Variants in BCL2L1 observed in about 807,000 individuals in gnomAD.
The protein encoded by BCL2L1 is BCL2 like 1.
BCL2L1 carries 1 observed loss-of-function variant against 18.7 expected under a neutral mutation model. That is an observed-to-expected ratio of 0.05 (90% confidence interval 0.02 to 0.25). The LOEUF is 0.25. BCL2L1 is among the 10% of genes least tolerant of loss of function. The pLI, the probability that BCL2L1 is intolerant of heterozygous loss-of-function variation, is 1.00. For synonymous variants in BCL2L1, 103 were observed against 122.7 expected (o/e 0.84, Z 1.06); for missense variants, 207 against 304.9 (o/e 0.68, Z 2.39).
chr20:31,721,056 C>T (rs762649865), intron 2 of BCL2L1: 20 of 809,470 alleles, frequency 2.5e-5, no homozygotes, highest in Non-Finnish European at 3.0e-5. Flanking sequence ...ATCTGCACAG[C>T]CTACACTGCC....
At chr20:31,688,583 C>T (rs2061002575) in intron 2 of BCL2L1, among the ~76,000 whole-genome samples, 1 of 152,202 alleles carries the variant, frequency 6.6e-6, no homozygotes, top group Admixed American at 6.5e-5. Flanking sequence ...CTGGTACCCA[C>T]TGCTGTGGGC....
chr20:31,690,656 C>T (rs1210137314), intron 2 of BCL2L1, among the ~76,000 whole-genome samples: 2 of 151,868 alleles, frequency 1.3e-5, no homozygotes, highest in Non-Finnish European at 2.9e-5. Flanking sequence ...CTGCAACCTC[C>T]GTCTCCTGGG....
chr20:31,710,906 G>A lies in BCL2L1; in HGVS notation c.564+10749C>T, dbSNP rs564198811. Among the ~76,000 whole-genome samples, 6 of 152,282 alleles carry A rather than the reference G, an allele frequency of 3.9e-5. No individual in the cohort carries two copies. In the South Asian group the frequency reaches 6.2e-4, roughly 16 times the overall value. On this transcript the variant is annotated intron_variant, in intron 2 of 2. Transcript: ENST00000307677. Reference sequence around the variant, plus strand: ...CCTGGCTGAGTCCTCACCCAACCGCGGGCCCTGAGCCAGGTAGTCAGGGTA... The same window carrying A: ...CCTGGCTGAGTCCTCACCCAACCGCAGGCCCTGAGCCAGGTAGTCAGGGTA...
chr20:31,669,961 A>AG (rs2060642093), intron 2 of BCL2L1, among the ~76,000 whole-genome samples: 1 of 152,234 alleles, frequency 6.6e-6, no homozygotes, highest in Non-Finnish European at 1.5e-5. Context: ...TATTTAAAGC[A>AG]GGGAACACTC....
intron 2 of BCL2L1, among the ~76,000 whole-genome samples, chr20:31,697,892 G>GTTTGTTTGTTT (rs2061203223): frequency 2.3e-5 from 3 of 129,646 alleles, no homozygotes; most frequent in African/African-American, 3.3e-5. Context: ...TGCTGTTGCT[G>GTTTGTTTGTTT]TTTTTTTTTT....
intron 2 of BCL2L1, among the ~76,000 whole-genome samples, chr20:31,682,829 C>T (rs2060887151): frequency 1.3e-5 from 2 of 152,094 alleles, no homozygotes; most frequent in Admixed American, 1.3e-4. Flanking sequence ...TCAATTTATT[C>T]CCTAAACCTG....
chr20:31,707,693 A>G (rs1483708470), intron 2 of BCL2L1, among the ~76,000 whole-genome samples: 1 of 150,608 alleles, frequency 6.6e-6, no homozygotes, highest in Non-Finnish European at 1.5e-5. Context: ...CAGGAGAATC[A>G]CTTGAACCTG....
intron 2 of BCL2L1, among the ~76,000 whole-genome samples, chr20:31,680,428 C>A (rs1167895598): frequency 6.6e-6 from 1 of 152,152 alleles, no homozygotes; most frequent in Non-Finnish European, 1.5e-5. Flanking sequence ...GAAGAGTGTG[C>A]TGAGGCTACT....
At chr20:31,697,915 T>C (rs2061208171) in intron 2 of BCL2L1, among the ~76,000 whole-genome samples, 1 of 121,960 alleles carries the variant, frequency 8.2e-6, no homozygotes, top group Admixed American at 7.3e-5. Flanking sequence ...TGAGACGGAG[T>C]CTCGCTTTGT....
intron 2 of BCL2L1, among the ~76,000 whole-genome samples, chr20:31,718,683 A>G (rs541943853): frequency 2.6e-5 from 4 of 152,198 alleles, no homozygotes; most frequent in African/African-American, 4.8e-5. Context: ...GAAAAAATTA[A>G]TAAGCAGCTC....
rs1437822650 is a variant in BCL2L1 at position 31,721,757 on chromosome 20, G to A, written c.462C>T (p.Ser154=). 1.2e-6 allele frequency: 2 copies of A among 1,613,954 alleles called. No individual in the cohort carries two copies. The highest frequency in any genetic ancestry group is 2.7e-5 in the African/African-American group (2 of 74,872). The stretch of plus-strand genomic sequence containing the variant: ...CCAATACCTGCATCTCCTTGTCTAC[G>A]CTTTCCACGCACAGTGCCCCGCCGA... ...FSFGGALCVE[S]VDKEMQVLVS... The change falls in exon 2 of 3, where the codon AGC becomes AGT. Residue 154 remains serine (S), a synonymous_variant. Transcript: ENST00000307677.
intron 2 of BCL2L1, among the ~76,000 whole-genome samples, chr20:31,699,612 A>C (rs1402208971): frequency 6.6e-6 from 1 of 152,202 alleles, no homozygotes; most frequent in African/African-American, 2.4e-5. Flanking sequence ...GCATATCCTG[A>C]ACCAACAATC....
At chr20:31,723,666 G>T (rs962747669), upstream of BCL2L1, 10 of 985,564 alleles carry the variant, frequency 1.0e-5, no homozygotes, top group East Asian at 1.1e-3. Flanking sequence ...CAGCCGGCAC[G>T]GAAGCGGGAC....
At chr20:31,678,102 A>G (rs1230250465) in intron 2 of BCL2L1, among the ~76,000 whole-genome samples, 1 of 152,210 alleles carries the variant, frequency 6.6e-6, no homozygotes, top group Non-Finnish European at 1.5e-5. Context: ...GTTCTAGAAA[A>G]GGCATCTTTT....
intron 2 of BCL2L1, among the ~76,000 whole-genome samples, chr20:31,702,092 G>A (rs2061286618): frequency 6.6e-6 from 1 of 152,212 alleles, no homozygotes; most frequent in Non-Finnish European, 1.5e-5. Flanking sequence ...TAAACTGAAG[G>A]TCAAGGAAAG....
intron 2 of BCL2L1, among the ~76,000 whole-genome samples, chr20:31,719,648 G>A (rs527794830): frequency 2.6e-5 from 4 of 152,202 alleles, no homozygotes. Context: ...GATGGAAGAT[G>A]GAATTTCAAC....
chr20:31,716,069 ATTC>A (rs2061530993), intron 2 of BCL2L1, among the ~76,000 whole-genome samples: 1 of 152,004 alleles, frequency 6.6e-6, no homozygotes, highest in Non-Finnish European at 1.5e-5. Context: ...CAAGCCCCAT[ATTC>A]TTTTCTGTAG....
intron 2 of BCL2L1, among the ~76,000 whole-genome samples, chr20:31,698,239 C>T (rs1053036793): frequency 1.3e-5 from 2 of 152,234 alleles, no homozygotes; most frequent in Non-Finnish European, 2.9e-5. Flanking sequence ...GTTCAAAACC[C>T]TCCAATGACT....
Position 31,665,345 on chromosome 20 carries a change from T to C in BCL2L1, c.*604A>G, listed in dbSNP as rs886341110. ...AGAGGCTTCTGGAGGACATTTGGAC[T>C]GGGAGTGAGGACTCTAGCCAGTCCA... is the stretch of plus-strand genomic sequence containing the variant. On this transcript the variant is annotated 3_prime_UTR_variant, in exon 3 of 3. Coordinates refer to ENST00000307677, the MANE Select transcript of BCL2L1 (RefSeq NM_138578.3). The C allele has an allele frequency of 1.3e-5, 2 of 153,218 alleles. No individual in the cohort carries two copies. The highest frequency in any genetic ancestry group is 2.9e-5 in the Non-Finnish European group (2 of 68,532). The allele number at this position is 153,218 out of a possible 1,614,324, so 9.5% of individuals were successfully genotyped here. A position where few individuals can be genotyped will look rare whatever the true frequency, so the allele number is the denominator to read the frequency against.
Sources: allele counts gnomAD v4.1 joint callset (sites outside exome capture counted in the v4.1 genomes callset), GRCh38; gene constraint gnomAD v4.1.1; transcripts MANE v1.5; gene names NCBI Gene and HGNC (gene_info 2026-07-23, HGNC 2026-07-21).